Variants in ATXN1 observed in about 807,000 individuals in gnomAD.
ATXN1 encodes the protein ataxin 1, also known as ataxin-1.
A neutral mutation model predicts 56.4 loss-of-function variants in ATXN1; 8 were observed. The observed-to-expected ratio is 0.14, with a 90% CI of 0.08 to 0.26. The LOEUF (loss-of-function observed/expected upper bound fraction) is 0.26. ATXN1 is among the 10% of genes least tolerant of loss of function. ATXN1 has a pLI of 1.00. For synonymous variants in ATXN1, 514 were observed against 494.6 expected, an observed-to-expected ratio of 1.04 and a Z score of -0.52; for missense variants, 987 against 1,106.5, an observed-to-expected ratio of 0.89 and a Z score of 1.53.
At chr6:16,658,589 G>A (rs982766694) in intron 2 of ATXN1, among the ~76,000 whole-genome samples, 1 of 152,142 alleles carries the variant, frequency 6.6e-6, no homozygotes, top group Non-Finnish European at 1.5e-5. Context: ...TTAGAACCTC[G>A]TCTGACAAGG....
chr6:16,508,159 A>G (rs1169126659), intron 5 of ATXN1, among the ~76,000 whole-genome samples: 1 of 152,200 alleles, frequency 6.6e-6, no homozygotes, highest in African/African-American at 2.4e-5. Flanking sequence ...TGGTAATAGC[A>G]TCAAACACAG....
rs1273751343 is a variant in ATXN1, at chr6:16,300,970, A to C, written c.*5359T>G. 6.5e-6 allele frequency: 1 copy of C among 152,678 alleles called. No individual in the cohort carries two copies. The highest frequency in any genetic ancestry group is 2.4e-5 in the African/African-American group (1 of 41,468). The allele number at this position is 152,678 out of a possible 1,614,324, so 9.5% of individuals were successfully genotyped here. ...CAAAAATAACAATAAGCATAGGTAT[A>C]GTTTAAGAGCCTTTTACGTAGTAAT... On this transcript the variant is annotated 3_prime_UTR_variant, in exon 8 of 8. Coordinates refer to ENST00000436367, the MANE Select transcript of ATXN1 (RefSeq NM_001128164.2).
At chr6:16,477,520 C>T (rs1223229647) in intron 6 of ATXN1, among the ~76,000 whole-genome samples, 1 of 152,176 alleles carries the variant, frequency 6.6e-6, no homozygotes, top group Non-Finnish European at 1.5e-5. Context: ...AGTAAGAAGG[C>T]TCTCGTTACA....
chr6:16,528,921 G>A (rs1236174498), intron 4 of ATXN1, among the ~76,000 whole-genome samples: 1 of 152,152 alleles, frequency 6.6e-6, no homozygotes, highest in South Asian at 2.1e-4. Context: ...GCTCACACCT[G>A]TAATCTCAGC....
intron 2 of ATXN1, among the ~76,000 whole-genome samples, chr6:16,744,795 T>C (rs1760469307): frequency 6.6e-6 from 1 of 152,180 alleles, no homozygotes; most frequent in Non-Finnish European, 1.5e-5. Context: ...ATCTCATTTA[T>C]TCCTGCCAGG....
In ATXN1 at chr6:16,526,064, T is replaced by TATATATATATATATAC. The variant is rs370698828; in HGVS notation, c.-360-3377_-360-3376insGTATATATATATATAT. Among the ~76,000 whole-genome samples, 402 of 133,222 alleles carry TATATATATATATATAC rather than the reference T, an allele frequency of 3.0e-3. 3 individuals are homozygous for TATATATATATATATAC. The highest frequency in any genetic ancestry group is 0.012 in the African/African-American group (379 of 32,462). 87.4% of individuals were successfully genotyped at this position (133,222 alleles called of 152,430 possible). ...ATCTATATATATATATATATATATA[T>TATATATATATATATAC]ACATACATACAATCTATTTATAATG... On this transcript the variant is annotated intron_variant, in intron 4 of 7. Coordinates refer to ENST00000436367, the MANE Select transcript of ATXN1 (RefSeq NM_001128164.2).
At position 16,723,829 on chromosome 6, in the gene ATXN1, T is replaced by C. The variant is rs1759794096; in HGVS notation, c.-615+29404A>G. On this transcript the variant is annotated intron_variant, in intron 2 of 7. Transcript: ENST00000436367. ...CCATGAGCCAAGCAGCTTCACTAAATGTTTATCACAGTGTAACATTTCCAC... is the reference window on the plus strand; with the variant it reads ...CCATGAGCCAAGCAGCTTCACTAAACGTTTATCACAGTGTAACATTTCCAC... Among the ~76,000 whole-genome samples the C allele has an allele frequency of 2.0e-5, 3 of 152,220 alleles. No individual in the cohort carries two copies. The South Asian group carries it at 6.2e-4, about 32-fold the overall frequency.
intron 7 of ATXN1, among the ~76,000 whole-genome samples, chr6:16,307,182 A>C (rs1311811038): frequency 6.6e-6 from 1 of 152,246 alleles, no homozygotes; most frequent in Non-Finnish European, 1.5e-5. Context: ...GTAATGACAG[A>C]GCACCCACTT....
intron 7 of ATXN1, among the ~76,000 whole-genome samples, chr6:16,325,286 T>G (rs1007251418): frequency 4.6e-5 from 7 of 151,878 alleles, no homozygotes; most frequent in Non-Finnish European, 1.0e-4. Context: ...CCCGGCTAAT[T>G]TTTGTATTTT....
chr6:16,749,091 A>ACACG (rs1252748607), intron 2 of ATXN1, among the ~76,000 whole-genome samples: 2 of 152,244 alleles, frequency 1.3e-5, no homozygotes, highest in African/African-American at 4.8e-5. Flanking sequence ...TATACAGTAT[A>ACACG]CACGCACGCA....
intron 4 of ATXN1, among the ~76,000 whole-genome samples, chr6:16,583,445 G>A (rs1424722407): frequency 6.6e-6 from 1 of 152,180 alleles, no homozygotes; most frequent in Non-Finnish European, 1.5e-5. Flanking sequence ...GTAGGATAAA[G>A]CATGCGTTTC....
intron 4 of ATXN1, among the ~76,000 whole-genome samples, chr6:16,550,456 T>C (rs11754363): frequency 0.12 from 18,173 of 152,220 alleles, 1,125 homozygotes; most frequent in African/African-American, 0.14. Context: ...CAAATACATT[T>C]TGATCTATTT....
intron 2 of ATXN1, among the ~76,000 whole-genome samples, chr6:16,701,293 T>C (rs1759278340): frequency 6.6e-6 from 1 of 152,352 alleles, no homozygotes; most frequent in Middle Eastern, 3.4e-3. Context: ...ATGGAGCACC[T>C]ATGCTCTGGG....
intron 5 of ATXN1, among the ~76,000 whole-genome samples, chr6:16,515,429 C>CCAAACCA (rs1366576277): frequency 4.1e-4 from 62 of 152,308 alleles, no homozygotes; most frequent in Admixed American, 1.3e-3. Context: ...ACTACCACCC[C>CCAAACCA]CAAACCACAA....
chr6:16,346,849 G>A (rs974313673), intron 6 of ATXN1, among the ~76,000 whole-genome samples: 6 of 152,248 alleles, frequency 3.9e-5, no homozygotes, highest in Admixed American at 2.6e-4. Context: ...CAAGGCCAGA[G>A]CCGGCTCCCT....
At chr6:16,526,910 T>C (rs1249022259) in intron 4 of ATXN1, among the ~76,000 whole-genome samples, 1 of 152,022 alleles carries the variant, frequency 6.6e-6, no homozygotes, top group East Asian at 1.9e-4. Context: ...TGTCCTTGTT[T>C]CAGCCCAATC....
chr6:16,667,532 T>C (rs1403991584), intron 2 of ATXN1: 1 of 152,190 alleles, frequency 6.6e-6, no homozygotes, highest in South Asian at 2.1e-4. Context: ...TAGAAGGACA[T>C]GAGGATAGAG....
rs147161703 is a variant in ATXN1 at position 16,301,935 on chromosome 6, G to A, written c.*4394C>T. ...CAGATGTTAAAGGGTATTGTCAATC[G>A]TTTCCTTAAAAAACAAAACAAAACA... On this transcript the variant is annotated 3_prime_UTR_variant, in exon 8 of 8. Transcript: ENST00000436367. The A allele has an allele frequency of 1.6e-4, 24 of 152,754 alleles. No homozygotes were observed. The highest frequency in any genetic ancestry group is 9.6e-4 in the East Asian group (5 of 5,188). 9.5% of individuals were successfully genotyped at this position (152,754 alleles called of 1,614,324 possible).
intron 2 of ATXN1, among the ~76,000 whole-genome samples, chr6:16,658,994 G>C (rs540580875): frequency 6.6e-6 from 1 of 152,326 alleles, no homozygotes; most frequent in Non-Finnish European, 1.5e-5. Context: ...TTCCTTGAAA[G>C]CCTTCTGTAA....
Sources: gnomAD v4.1 joint callset for allele counts (sites outside exome capture counted in the v4.1 genomes callset) on GRCh38, gnomAD v4.1.1 for gene constraint, MANE v1.5 for transcripts, NCBI Gene and HGNC (gene_info 2026-07-23, HGNC 2026-07-21) for gene names.